The following EIF4G3 variants were observed in gnomAD, a reference collection of about 807,000 sequenced individuals.
EIF4G3 encodes eIF-4-gamma 3.
In EIF4G3, 34 loss-of-function variants were observed where a neutral mutation model predicts 186.4. The ratio of observed to expected loss-of-function variants is 0.18; its 90% CI spans 0.14 to 0.24. The LOEUF (loss-of-function observed/expected upper bound fraction) is 0.24. Among genes scored for constraint, EIF4G3 ranks in the 10% least tolerant of loss-of-function variants. The pLI is 1.00. For synonymous variants in EIF4G3, 673 were observed against 679.5 expected (o/e 0.99, Z 0.15); for missense variants, 1,536 against 1,948.5 (o/e 0.79, Z 3.99).
At chr1:20,852,893 TAAA>T (rs907504395) in intron 27 of EIF4G3, among the ~76,000 whole-genome samples, 1 of 151,752 alleles carries the variant, frequency 6.6e-6, no homozygotes, top group African/African-American at 2.4e-5. Context: ...ATAATAATAA[TAAA>T]AAGCCTGATG....
At chr1:21,169,871 C>CTT (rs35699020) in intron 2 of EIF4G3, 1 of 152,244 alleles carries the variant, frequency 6.6e-6, no homozygotes, top group Admixed American at 6.6e-5. Context: ...GTCCAACACA[C>CTT]TTTTTATTTA....
chr1:20,988,620 T>C (rs796325434), intron 7 of EIF4G3, among the ~76,000 whole-genome samples: 7 of 152,216 alleles, frequency 4.6e-5, no homozygotes, highest in African/African-American at 1.4e-4. Context: ...TTTAAGGCCA[T>C]TGTAGAGAGC....
chr1:20,942,124 T>C lies in EIF4G3; in HGVS notation c.1030A>G (p.Ser344Gly). The change falls in exon 14 of 37, where the codon AGT becomes GGT. Residue 344 changes from serine (S) to glycine (G), a missense_variant. Ser to Gly is a moderately conservative substitution (Grantham distance 56, BLOSUM62 0). Coordinates refer to ENST00000602326, the MANE Select transcript of EIF4G3 (RefSeq NM_001391906.1). ...GCAGTGGTGAATATTGGTTGGCTAC[T>C]AAGAGCAGAAGAGGTGGGGGCTGCA... Reference protein sequence around the residue: ...TIAAPTSSALSSQPIFTTAID... With the variant: ...TIAAPTSSALGSQPIFTTAID... 6.2e-7 allele frequency: 1 copy of C among 1,614,136 alleles called. No homozygotes were observed.
chr1:20,840,800 T>C, intron 30 of EIF4G3, 56 bp downstream of exon 30: 1 of 1,532,166 alleles, frequency 6.5e-7, no homozygotes, highest in South Asian at 1.2e-5. Context: ...ACTTTGAAAA[T>C]TAACTGGTAC....
chr1:20,876,453 A>AC (rs1450210838), intron 20 of EIF4G3, among the ~76,000 whole-genome samples: 2 of 150,950 alleles, frequency 1.3e-5, no homozygotes, highest in Non-Finnish European at 3.0e-5. Context: ...TAAAAAAAAA[A>AC]AAAAAAACAA....
chr1:21,039,624 C>T (rs2093443565), intron 4 of EIF4G3, among the ~76,000 whole-genome samples: 1 of 152,158 alleles, frequency 6.6e-6, no homozygotes, highest in South Asian at 2.1e-4. Flanking sequence ...TTCCAACACC[C>T]TGAACTCCAG....
chr1:21,128,269 G>A (rs1375848790), intron 2 of EIF4G3, among the ~76,000 whole-genome samples: 1 of 151,736 alleles, frequency 6.6e-6, no homozygotes, highest in Non-Finnish European at 1.5e-5. Context: ...AGCAGTTTGG[G>A]AGGCCGAGGC....
intron 7 of EIF4G3, among the ~76,000 whole-genome samples, chr1:20,983,099 T>C (rs1179490473): frequency 2.0e-5 from 3 of 152,142 alleles, no homozygotes; most frequent in Non-Finnish European, 4.4e-5. Flanking sequence ...CACCCACAGA[T>C]GGTATAAGTA....
intron 4 of EIF4G3, among the ~76,000 whole-genome samples, chr1:21,033,888 C>T (rs2092960206): frequency 6.6e-6 from 1 of 152,118 alleles, no homozygotes; most frequent in Admixed American, 6.6e-5. Flanking sequence ...AGTTCAAGAC[C>T]AGCCTGGGCA....
At chr1:21,041,019 A>C (rs951820818) in intron 4 of EIF4G3, among the ~76,000 whole-genome samples, 7 of 151,996 alleles carry the variant, frequency 4.6e-5, no homozygotes, top group African/African-American at 1.7e-4. Flanking sequence ...GTACCCCTAG[A>C]GTCTCTATGA....
intron 4 of EIF4G3, among the ~76,000 whole-genome samples, chr1:21,031,384 CAAA>C (rs35183246): frequency 1.9e-4 from 14 of 73,356 alleles, no homozygotes; most frequent in Admixed American, 3.1e-4. Context: ...GGAATGATGG[CAAA>C]AAAAAAAAAA....
At chr1:20,993,694 T>C (rs12741305) in intron 7 of EIF4G3, among the ~76,000 whole-genome samples, 4,176 of 152,164 alleles carry the variant, frequency 0.027, 88 homozygotes, top group Non-Finnish European at 0.038. Context: ...AATAATGCAA[T>C]AAAGGACAAA....
At chr1:20,935,903 T>C (rs1181159915) in intron 14 of EIF4G3, among the ~76,000 whole-genome samples, 1 of 152,202 alleles carries the variant, frequency 6.6e-6, no homozygotes, top group Non-Finnish European at 1.5e-5. Flanking sequence ...TAGTCCTTTG[T>C]CATGGAGGAG....
intron 4 of EIF4G3, among the ~76,000 whole-genome samples, chr1:21,035,322 G>A (rs1186597344): frequency 6.6e-6 from 1 of 152,204 alleles, no homozygotes; most frequent in Non-Finnish European, 1.5e-5. Flanking sequence ...CTGCAGCCGG[G>A]GACAGGCAGG....
chr1:20,873,489 GTTTGTAAATATC>G (rs2079812617), intron 20 of EIF4G3, among the ~76,000 whole-genome samples: 1 of 152,098 alleles, frequency 6.6e-6, no homozygotes, highest in Non-Finnish European at 1.5e-5. Flanking sequence ...GTTGTTTCAC[GTTTGTAAATATC>G]TGGTACATTT....
At chr1:21,105,960 A>C (rs2096610031) in intron 2 of EIF4G3, among the ~76,000 whole-genome samples, 2 of 152,136 alleles carry the variant, frequency 1.3e-5, no homozygotes, top group African/African-American at 4.8e-5. Context: ...CTAGCTACCC[A>C]GGAAGCTGAG....
At chr1:20,853,093 C>T (rs1395999146) in intron 27 of EIF4G3, among the ~76,000 whole-genome samples, 1 of 152,028 alleles carries the variant, frequency 6.6e-6, no homozygotes, top group Non-Finnish European at 1.5e-5. Context: ...TTTATGTAAA[C>T]CAGCCAACAG....
At chr1:20,816,228 G>A (rs1307147117) in intron 34 of EIF4G3, among the ~76,000 whole-genome samples, 1 of 77,254 alleles carries the variant, frequency 1.3e-5, no homozygotes. Flanking sequence ...AGGGAGGTGG[G>A]GGGGTCAGCC....
intron 4 of EIF4G3, among the ~76,000 whole-genome samples, chr1:21,037,774 A>G (rs907041312): frequency 1.3e-5 from 2 of 152,174 alleles, no homozygotes; most frequent in African/African-American, 4.8e-5. Context: ...AGTGAAAACC[A>G]TCCTCAGCAA....
Sources: allele counts gnomAD v4.1 joint callset (sites outside exome capture counted in the v4.1 genomes callset), GRCh38; gene constraint gnomAD v4.1.1; transcripts MANE v1.5; gene names NCBI Gene and HGNC (gene_info 2026-07-23, HGNC 2026-07-21).